The following HSPBAP1 variants were observed in gnomAD, a reference collection of about 807,000 sequenced individuals.
HSPBAP1 encodes the protein HSPB1 associated protein 1, also known as HSPB1-associated protein 1.
HSPBAP1 carries 27 observed loss-of-function variants against 45.2 expected under a neutral mutation model. The observed-to-expected ratio is 0.60, with a 90% CI of 0.44 to 0.82. The LOEUF is 0.82. HSPBAP1 is among the 40% of genes least tolerant of loss of function. The pLI is 0.00. For missense variants in HSPBAP1, 510 were observed against 590.9 expected, an observed-to-expected ratio of 0.86 and a Z score of 1.42; for synonymous variants, 204 against 202.7, an observed-to-expected ratio of 1.01 and a Z score of -0.06.
At chr3:122,746,297 GTT>G (rs55924449) in intron 6 of HSPBAP1, among the ~76,000 whole-genome samples, 23 of 138,682 alleles carry the variant, frequency 1.7e-4, no homozygotes, top group African/African-American at 3.2e-4. Context: ...AAATCAAAAG[GTT>G]TTTTTTTTTT....
intron 1 of HSPBAP1, among the ~76,000 whole-genome samples, chr3:122,778,512 CTTTTTTTTTTA>C (rs1935269839): frequency 8.0e-6 from 1 of 124,954 alleles, no homozygotes; most frequent in African/African-American, 3.1e-5. Flanking sequence ...TCTAGTATTT[CTTTTTTTTTTA>C]TTTTTTTTTT....
At chr3:122,778,612 C>T (rs1312432912) in intron 1 of HSPBAP1, among the ~76,000 whole-genome samples, 1 of 151,678 alleles carries the variant, frequency 6.6e-6, no homozygotes, top group Non-Finnish European at 1.5e-5. Flanking sequence ...TCACTGCAAG[C>T]TCCGCCTCCC....
chr3:122,768,809 C>T lies in HSPBAP1; in HGVS notation c.324G>A (p.Gln108=), dbSNP rs1342692495. 1.9e-6 allele frequency: 3 copies of T among 1,611,812 alleles called. No homozygotes were observed. Among genetic ancestry groups the T allele is most frequent in the Non-Finnish European group, 2.5e-6 (3 of 1,177,914 alleles). The change falls in exon 3 of 8, where the codon CAG becomes CAA. Residue 108 remains glutamine (Q), a synonymous_variant. Transcript: ENST00000306103. ...LEEFLTWNCD[Q]SSISGPFRDY... is the part of the protein sequence containing the mutation. ...CTCTAAATGGTCCAGAAATACTAGACTGGTCACAGTTCCAGGTCAGAAACT... is the reference window on the plus strand; with the variant it reads ...CTCTAAATGGTCCAGAAATACTAGATTGGTCACAGTTCCAGGTCAGAAACT...
At chr3:122,792,380 T>A (rs1009113779) in intron 1 of HSPBAP1, among the ~76,000 whole-genome samples, 4 of 152,094 alleles carry the variant, frequency 2.6e-5, no homozygotes, top group African/African-American at 9.7e-5. Flanking sequence ...ACGACATACA[T>A]TCTGGATAAG....
intron 1 of HSPBAP1, among the ~76,000 whole-genome samples, chr3:122,787,955 G>A (rs1189085169): frequency 6.6e-6 from 1 of 152,088 alleles, no homozygotes; most frequent in African/African-American, 2.4e-5. Context: ...TACAATGACG[G>A]CTAACCATAA....
intron 6 of HSPBAP1, among the ~76,000 whole-genome samples, chr3:122,751,752 A>T (rs1934152844): frequency 6.6e-6 from 1 of 152,132 alleles, no homozygotes; most frequent in Non-Finnish European, 1.5e-5. Flanking sequence ...GACGCTACTG[A>T]TCTCCTGCCA....
chr3:122,758,905 A>AG (rs1234130852), intron 4 of HSPBAP1: 4 of 369,528 alleles, frequency 1.1e-5, no homozygotes, highest in Non-Finnish European at 2.1e-5. Flanking sequence ...CCAAAAAAAA[A>AG]AAAAAAAAAA....
intron 6 of HSPBAP1, among the ~76,000 whole-genome samples, chr3:122,751,639 T>C (rs1179902366): frequency 6.6e-6 from 1 of 152,232 alleles, no homozygotes; most frequent in Admixed American, 6.5e-5. Flanking sequence ...CTGTCAGGGC[T>C]ATTGTAGATA....
intron 1 of HSPBAP1, among the ~76,000 whole-genome samples, chr3:122,791,360 A>C (rs1471203394): frequency 6.6e-6 from 1 of 152,208 alleles, no homozygotes; most frequent in Non-Finnish European, 1.5e-5. Flanking sequence ...AACTTCTTTC[A>C]GTTCTTGGAC....
intron 1 of HSPBAP1, chr3:122,786,553 G>A (rs1376666417): frequency 6.6e-6 from 1 of 152,132 alleles, no homozygotes; most frequent in African/African-American, 2.4e-5. Context: ...AAGCTATAAA[G>A]AAGTAAATAT....
chr3:122,767,269 T>C (rs913960192), intron 3 of HSPBAP1, among the ~76,000 whole-genome samples: 1 of 152,266 alleles, frequency 6.6e-6, no homozygotes, highest in Non-Finnish European at 1.5e-5. Context: ...ACGGGCACAG[T>C]GGCTCACGCC....
chr3:122,792,000 A>T (rs1246532994), intron 1 of HSPBAP1, among the ~76,000 whole-genome samples: 3 of 152,228 alleles, frequency 2.0e-5, no homozygotes, highest in African/African-American at 7.2e-5. Flanking sequence ...GGATGATTTG[A>T]AGTACGGTCT....
At chr3:122,787,285 T>A (rs1399012381) in intron 1 of HSPBAP1, among the ~76,000 whole-genome samples, 1 of 152,234 alleles carries the variant, frequency 6.6e-6, no homozygotes, top group Non-Finnish European at 1.5e-5. Flanking sequence ...AGTAATTTTT[T>A]AAAATTAATG....
chr3:122,743,180 T>TACC (rs1401506665), intron 6 of HSPBAP1, among the ~76,000 whole-genome samples: 4 of 152,244 alleles, frequency 2.6e-5, no homozygotes, highest in Admixed American at 2.6e-4. Context: ...TGTACACATA[T>TACC]ACCACATTTT....
chr3:122,775,361 C>T (rs1935155951), intron 2 of HSPBAP1, among the ~76,000 whole-genome samples: 2 of 152,142 alleles, frequency 1.3e-5, no homozygotes, highest in Admixed American at 1.3e-4. Flanking sequence ...CCAAAGAAGA[C>T]ATACAAATGG....
chr3:122,780,396 C>T (rs1379796743), intron 1 of HSPBAP1, among the ~76,000 whole-genome samples: 1 of 128,806 alleles, frequency 7.8e-6, no homozygotes, highest in African/African-American at 2.9e-5. Context: ...CCCCCCACCT[C>T]CCTCCTGGAC....
intron 1 of HSPBAP1, among the ~76,000 whole-genome samples, chr3:122,778,534 T>A (rs1395255431): frequency 8.0e-5 from 12 of 150,444 alleles, no homozygotes; most frequent in South Asian, 2.1e-4. Context: ...TTTTTTTTTT[T>A]TTTTTGAGAC....
intron 6 of HSPBAP1, among the ~76,000 whole-genome samples, chr3:122,744,245 A>T (rs1576230870): frequency 6.6e-6 from 1 of 152,196 alleles, no homozygotes; most frequent in Non-Finnish European, 1.5e-5. Context: ...TAAGGAGGTG[A>T]AAAAGATGAA....
intron 6 of HSPBAP1, 128 bp from the exon 7 acceptor site, chr3:122,741,241 T>C (rs1933658704): frequency 7.0e-6 from 5 of 718,776 alleles, no homozygotes; most frequent in Middle Eastern, 3.7e-4. Context: ...GGAATGAATA[T>C]GCTATTGGTA....
Sources: gnomAD v4.1 joint callset for allele counts (sites outside exome capture counted in the v4.1 genomes callset) on GRCh38, gnomAD v4.1.1 for gene constraint, MANE v1.5 for transcripts, NCBI Gene and HGNC (gene_info 2026-07-23, HGNC 2026-07-21) for gene names.